GPC2: variants seen among roughly 807,000 people sequenced by gnomAD.
GPC2 encodes the protein glypican-2.
Under a neutral mutation model 57.3 loss-of-function variants are expected in GPC2, and 42 were observed. That is an observed-to-expected ratio of 0.73 (90% CI 0.57 to 0.95). GPC2 has a LOEUF of 0.95. GPC2 is among the 40% of genes least tolerant of loss of function. The pLI is 0.00. For synonymous variants in GPC2, 364 were observed against 343.4 expected, an observed-to-expected ratio of 1.06 and a Z score of -0.66; for missense variants, 745 against 793.6, an observed-to-expected ratio of 0.94 and a Z score of 0.74.
In GPC2 at chr7:100,175,900, G is replaced by A. The variant is rs1323716226; in HGVS notation, c.326-6C>T. Reference sequence around the variant, plus strand: ...GAGCATCTCCAGAAAAAACTCTGCAGCAAATGCAGGGAACAGGTGGAAGGC... The same window carrying A: ...GAGCATCTCCAGAAAAAACTCTGCAACAAATGCAGGGAACAGGTGGAAGGC... On this transcript the variant is annotated splice_region_variant and splice_polypyrimidine_tract_variant and intron_variant, in intron 2 of 9. Transcript: ENST00000292377. 2 of 1,611,870 alleles carry A rather than the reference G, an allele frequency of 1.2e-6. No homozygotes were observed. Among genetic ancestry groups the A allele is most frequent in the African/African-American group, 2.7e-5 (2 of 74,790 alleles).
rs1370179343 is a variant in GPC2 at position 100,175,662 on chromosome 7, A to G, written c.558T>C (p.Pro186=). The change falls in exon 3 of 10, where the codon CCT becomes CCC. Residue 186 remains proline, a synonymous_variant. Coordinates refer to ENST00000292377, the MANE Select transcript of GPC2 (RefSeq NM_152742.3). ...PLLHPQYSFP[P]DYLLCLSRLA... ...AGCGTGAGAGGCAGAGCAGGTAGTC[A>G]GGGGGGAAGCTGTACTGTGGGTGCA... 6.2e-7 allele frequency: 1 copy of G among 1,613,912 alleles called. No individual in the cohort carries two copies. Among genetic ancestry groups the G allele is most frequent in the East Asian group, 2.2e-5 (1 of 44,872 alleles).
chr7:100,175,302 G>A (rs985224837), intron 3 of GPC2, among the ~76,000 whole-genome samples: 2 of 152,230 alleles, frequency 1.3e-5, no homozygotes, highest in African/African-American at 4.8e-5. Flanking sequence ...TGGAGGCTAA[G>A]GGCAGGTGAG....
intron 9 of GPC2, 130 bp from the exon 10 acceptor site, chr7:100,170,613 G>C: frequency 2.4e-6 from 2 of 840,608 alleles, no homozygotes; most frequent in Middle Eastern, 5.7e-4. Flanking sequence ...TGCCGGGTTG[G>C]GGAAGGGAGA....
At position 100,177,100 on chromosome 7, in the gene GPC2, C is replaced by G; in HGVS notation, c.100G>C (p.Glu34Gln). The G allele has an allele frequency of 6.2e-7, 1 of 1,613,064 alleles. No individual in the cohort carries two copies. The highest frequency in any genetic ancestry group is 8.5e-7 in the Non-Finnish European group (1 of 1,179,598). Residue 34 changes from glutamate to glutamine, a missense_variant, in exon 1 of 10, where the codon GAG becomes CAG. Physicochemically the swap from Glu to Gln is conservative, Grantham distance 29 (BLOSUM62 2). Around this residue, in one of 2 missense-constraint regions of GPC2, gnomAD observed 138 missense variants for 189.8 expected, o/e 0.73. Coordinates refer to ENST00000292377, the MANE Select transcript of GPC2 (RefSeq NM_152742.3). ...SEAKVTRSCAETRQVLGARGY... is the reference protein window; with the variant it reads ...SEAKVTRSCAQTRQVLGARGY... ...CGGGCCCCCAGCACCTGCCGGGTCT[C>G]TGCACAACTCCGGGTGACCTTTGCC...
intron 3 of GPC2, among the ~76,000 whole-genome samples, chr7:100,175,214 T>C (rs1282316276): frequency 3.3e-5 from 5 of 152,246 alleles, no homozygotes; most frequent in Non-Finnish European, 7.3e-5. Flanking sequence ...TTTTGCGTAT[T>C]GAATGCACAA....
chr7:100,174,848 G>T (rs1799240928), intron 3 of GPC2, 83 bp from the exon 4 acceptor site: 1 of 1,026,774 alleles, frequency 9.7e-7, no homozygotes, highest in Non-Finnish European at 1.5e-6. Flanking sequence ...TGCATCAAGA[G>T]CAGTGAGGGT....
intron 1 of GPC2, 40 bp downstream of exon 1, chr7:100,176,981 GCCCCGCCCCCGCC>G: frequency 1.4e-6 from 1 of 695,004 alleles, no homozygotes; most frequent in Non-Finnish European, 2.3e-6. Context: ...AGATGAGGAG[GCCCCGCCCCCGCC>G]CCCCACCCCC....
chr7:100,172,488 G>T (rs1437698302), intron 5 of GPC2, among the ~76,000 whole-genome samples: 1 of 143,800 alleles, frequency 7.0e-6, no homozygotes, highest in African/African-American at 2.5e-5. Context: ...TTGAGACATA[G>T]TCTCACTCTG....
Position 100,171,628 on chromosome 7 carries a change from C to G in GPC2, c.1221G>C (p.Arg407=), listed in dbSNP as rs541390926. ...AGTCTCCGCACACCGTCAGGGACAG[C>G]CGGGCCCAGAAGCCCCGCATCCGGG... ...RLARMRGFWA[R]LSLTVCGDSR... Residue 407 remains arginine, a synonymous_variant, in exon 8 of 10, where the codon CGG becomes CGC. Coordinates refer to ENST00000292377, the MANE Select transcript of GPC2 (RefSeq NM_152742.3). This position sits in a 1 kb window ranked among gnomAD's most constrained non-coding sequence, Gnocchi z 4.8. The G allele has an allele frequency of 3.9e-4, 602 of 1,532,940 alleles. 5 individuals carry two copies. In the African/African-American group the frequency reaches 7.9e-3, roughly 20 times the overall value. The allele number at this position is 1,532,940 out of a possible 1,614,324, so 95.0% of individuals were successfully genotyped here.
At chr7:100,174,427 G>C (rs771917182) in intron 4 of GPC2, 13 of 582,430 alleles carry the variant, frequency 2.2e-5, no homozygotes, top group African/African-American at 3.7e-5. Flanking sequence ...TACTGCTATG[G>C]AGATGAGCAG....
At chr7:100,174,045 T>C in intron 4 of GPC2, 48 bp from the exon 5 acceptor site, 3 of 1,448,878 alleles carry the variant, frequency 2.1e-6, no homozygotes, top group Non-Finnish European at 9.2e-7. Flanking sequence ...CTGTGGCTGC[T>C]CTCAGCCTGG....
At position 100,171,962 on chromosome 7, in the gene GPC2, G is replaced by C. The variant is rs1199334099; in HGVS notation, c.1024-37C>G. ...GGAAGAGACCTCACACAGTCACCCT[G>C]GGGGGAAACCACACTGCGTCCCCAC... On this transcript the variant is annotated intron_variant, in intron 6 of 9. Transcript: ENST00000292377. The surrounding 1 kb of genome is among the most constrained non-coding windows in gnomAD (Gnocchi z 4.8). 1 of 1,543,726 alleles carries C rather than the reference G, an allele frequency of 6.5e-7. No individual in the cohort carries two copies. Among genetic ancestry groups the C allele is most frequent in the Admixed American group, 1.8e-5 (1 of 54,336 alleles).
rs1429806586 is a variant in GPC2, at chr7:100,171,937, G to A, written c.1024-12C>T. On this transcript the variant is annotated splice_polypyrimidine_tract_variant and intron_variant, in intron 6 of 9. Coordinates refer to ENST00000292377, the MANE Select transcript of GPC2 (RefSeq NM_152742.3). This position sits in a 1 kb window ranked among gnomAD's most constrained non-coding sequence, Gnocchi z 4.8. ...CACTCCTGAAACACCTGCGGCACCG[G>A]GAAGAGACCTCACACAGTCACCCTG... 1 of 1,515,070 alleles carries A rather than the reference G, an allele frequency of 6.6e-7. No homozygotes were observed. Among genetic ancestry groups the A allele is most frequent in the Non-Finnish European group, 8.8e-7 (1 of 1,135,110 alleles). 93.9% of individuals were successfully genotyped at this position (1,515,070 alleles called of 1,614,324 possible). A position where few individuals can be genotyped will look rare whatever the true frequency, so the allele number is the denominator to read the frequency against.
intron 3 of GPC2, among the ~76,000 whole-genome samples, chr7:100,175,212 A>G (rs1799246945): frequency 6.6e-6 from 1 of 152,238 alleles, no homozygotes; most frequent in Admixed American, 6.5e-5. Context: ...CCTTTTGCGT[A>G]TTGAATGCAC....
Position 100,175,713 on chromosome 7 carries a change from C to T in GPC2, c.507G>A (p.Gln169=). ...LDDTLADFWA[Q]LLERVFPLLH... is the part of the protein sequence containing the mutation. The stretch of plus-strand genomic sequence containing the variant: ...GCAGCGGGAACACTCTCTCCAGGAG[C>T]TGTGCCCAGAAATCCGCCAGGGTGT... The change falls in exon 3 of 10, where the codon CAG becomes CAA. Residue 169 remains glutamine (Q), a synonymous_variant. Coordinates refer to ENST00000292377, the MANE Select transcript of GPC2 (RefSeq NM_152742.3). The T allele has an allele frequency of 1.2e-6, 2 of 1,614,130 alleles. No homozygotes were observed. The highest frequency in any genetic ancestry group is 1.7e-6 in the Non-Finnish European group (2 of 1,180,018).
chr7:100,170,434 C>G lies in GPC2; in HGVS notation c.1536G>C (p.Trp512Cys). The G allele has an allele frequency of 6.2e-7, 1 of 1,605,958 alleles. No individual in the cohort carries two copies. The highest frequency in any genetic ancestry group is 8.5e-7 in the Non-Finnish European group (1 of 1,175,526). The change falls in exon 10 of 10, where the codon TGG (tryptophan) becomes TGC (cysteine). Residue 512 changes from tryptophan to cysteine, a missense_variant. Transcript: ENST00000292377. ...SGGGQQYADD[W>C]MAGAVAPPAR... Reference sequence around the variant, plus strand: ...CTGGGGGAGCCACAGCCCCAGCCATCCAGTCATCTGCATACTGCTGTCCCC... The same window carrying G: ...CTGGGGGAGCCACAGCCCCAGCCATGCAGTCATCTGCATACTGCTGTCCCC...
rs143144193 is a variant in GPC2, at chr7:100,170,467, G to C, written c.1503C>G (p.Gly501=). ...DGQDADEDAS[G]SGGGQQYADD... ...CTGCATACTGCTGTCCCCCTCCAGA[G>C]CCGCTGGCATCCTCATCTGCAAGGA... The change falls in exon 10 of 10, where the codon GGC becomes GGG. Residue 501 remains glycine, a synonymous_variant. Transcript: ENST00000292377. The C allele has an allele frequency of 2.1e-5, 32 of 1,537,682 alleles. No homozygotes were observed. The highest frequency in any genetic ancestry group is 3.4e-4 in the Middle Eastern group (2 of 5,802).
At chr7:100,174,158 G>T in intron 4 of GPC2, 161 bp from the exon 5 acceptor site, 1 of 583,114 alleles carries the variant, frequency 1.7e-6, no homozygotes, top group Non-Finnish European at 2.9e-6. Context: ...GAGGAGGGAG[G>T]TTCCAGGTTG....
Position 100,171,517 on chromosome 7 carries a change from C to G in GPC2, c.1310+22G>C. The G allele has an allele frequency of 7.4e-7, 1 of 1,360,162 alleles. No individual in the cohort carries two copies. The highest frequency in any genetic ancestry group is 9.4e-7 in the Non-Finnish European group (1 of 1,064,366). The allele number at this position is 1,360,162 out of a possible 1,614,324, so 84.3% of individuals were successfully genotyped here. ...GGCCGCGGTCCCGCCCCCTGCTGCC[C>G]CCCGACGCCCCCGAGGCTCACCGGC... On this transcript the variant is annotated intron_variant, in intron 8 of 9. Transcript: ENST00000292377. This position sits in a 1 kb window ranked among gnomAD's most constrained non-coding sequence, Gnocchi z 4.8.
Sources: gnomAD v4.1 joint callset for allele counts (sites outside exome capture counted in the v4.1 genomes callset) on GRCh38, gnomAD v4.1.1 for gene constraint, gnomAD v4.1.1 regional missense constraint, Gnocchi (gnomAD v3.1) non-coding constraint, MANE v1.5 for transcripts, NCBI Gene and HGNC (gene_info 2026-07-23, HGNC 2026-07-21) for gene names.